Variants in BBS9 observed in about 807,000 individuals in gnomAD.
BBS9 encodes the protein protein PTHB1.
A neutral mutation model predicts 117.7 loss-of-function variants in BBS9; 89 were observed. That is an observed-to-expected ratio of 0.76 (90% CI 0.64 to 0.90). The LOEUF (loss-of-function observed/expected upper bound fraction) is 0.90. BBS9 is among the 40% of genes least tolerant of loss of function. The pLI, the probability that BBS9 is intolerant of heterozygous loss-of-function variation, is 0.00. For synonymous variants in BBS9, 379 were observed against 370.9 expected, an observed-to-expected ratio of 1.02 and a Z score of -0.25; for missense variants, 982 against 1,042.2, an observed-to-expected ratio of 0.94 and a Z score of 0.80.
At chr7:33,179,971 CT>C (rs1465345692) in intron 5 of BBS9, among the ~76,000 whole-genome samples, 4 of 152,124 alleles carry the variant, frequency 2.6e-5, no homozygotes, top group South Asian at 2.1e-4. Context: ...AGTAAATAGC[CT>C]TTTCCACCAG....
intron 5 of BBS9, among the ~76,000 whole-genome samples, chr7:33,246,426 C>G (rs1161538494): frequency 6.6e-6 from 1 of 151,580 alleles, no homozygotes; most frequent in African/African-American, 2.4e-5. Context: ...ATGTAAAAAG[C>G]AAATATTTAG....
chr7:33,234,329 C>T (rs772572518), intron 5 of BBS9, among the ~76,000 whole-genome samples: 7 of 151,854 alleles, frequency 4.6e-5, no homozygotes, highest in Non-Finnish European at 1.0e-4. Flanking sequence ...TTTTTTCCCC[C>T]AGCTATTGAG....
chr7:33,388,063 C>T lies in BBS9; in HGVS notation c.2034C>T (p.Arg678=), dbSNP rs780609075. Residue 678 remains arginine (R), a synonymous_variant, in exon 19 of 23, where the codon CGC becomes CGT. Coordinates refer to ENST00000242067, the MANE Select transcript of BBS9 (RefSeq NM_198428.3). ...ERAVQFRAIQ[R]RLLARFKDKT... The stretch of plus-strand genomic sequence containing the variant: ...CTGTACAATTTCGGGCCATTCAACG[C>T]CGGCTACTAGCAAGATTCAAAGATA... 3.1e-6 allele frequency: 5 copies of T among 1,614,126 alleles called. No individual in the cohort carries two copies. The South Asian group carries it at 5.5e-5, about 18-fold the overall frequency.
chr7:33,170,644 GA>G (rs1392700009), intron 4 of BBS9, among the ~76,000 whole-genome samples: 1 of 151,394 alleles, frequency 6.6e-6, no homozygotes, highest in African/African-American at 2.4e-5. Flanking sequence ...ATTCAATTAG[GA>G]AAAAAGGAAG....
intron 20 of BBS9, among the ~76,000 whole-genome samples, chr7:33,510,973 G>A (rs1043387170): frequency 2.0e-5 from 3 of 152,186 alleles, no homozygotes; most frequent in African/African-American, 7.2e-5. Context: ...AGCCTGTTCA[G>A]ATGTGCAATA....
intron 19 of BBS9, among the ~76,000 whole-genome samples, chr7:33,414,448 A>G (rs1831647047): frequency 6.6e-6 from 1 of 152,210 alleles, no homozygotes; most frequent in African/African-American, 2.4e-5. Flanking sequence ...TCAGATAAAA[A>G]TAAACACAAA....
chr7:33,590,362 A>G (rs1861644237), intron 21 of BBS9, among the ~76,000 whole-genome samples: 1 of 150,664 alleles, frequency 6.6e-6, no homozygotes, highest in East Asian at 2.0e-4. Context: ...TTTGATGTAT[A>G]TTGTTGTCCT....
At chr7:33,260,560 A>G (rs1797817393) in intron 6 of BBS9, among the ~76,000 whole-genome samples, 1 of 152,216 alleles carries the variant, frequency 6.6e-6, no homozygotes, top group African/African-American at 2.4e-5. Context: ...ACATCTCTTC[A>G]CTGACTGAAT....
intron 5 of BBS9, among the ~76,000 whole-genome samples, chr7:33,250,357 A>G (rs960349027): frequency 2.0e-5 from 3 of 152,186 alleles, no homozygotes; most frequent in Non-Finnish European, 4.4e-5. Flanking sequence ...CTGTTGTTCC[A>G]TATTTCTTAC....
rs371819892 is a variant in BBS9, at chr7:33,569,753, C to T, written c.2522-35112C>T. On this transcript the variant is annotated intron_variant, in intron 21 of 22. Transcript: ENST00000242067. ...CTCCAGCCTGGGTGACAGAGCGAAA[C>T]TCCGTTTCAAAAAAATAAAATAAAA... 1.5e-3 allele frequency among the ~76,000 whole-genome samples: 232 copies of T among 152,158 alleles called. 7 individuals carry two copies. In the South Asian group the frequency reaches 0.045, roughly 30 times the overall value.
At chr7:33,412,282 A>G (rs564495086) in intron 19 of BBS9, among the ~76,000 whole-genome samples, 1 of 152,274 alleles carries the variant, frequency 6.6e-6, no homozygotes, top group African/African-American at 2.4e-5. Context: ...TCATCTCCAG[A>G]GTAGGACTAA....
At chr7:33,487,408 T>C (rs968454324) in intron 19 of BBS9, among the ~76,000 whole-genome samples, 4 of 152,232 alleles carry the variant, frequency 2.6e-5, no homozygotes, top group Non-Finnish European at 5.9e-5. Context: ...CTTTATATAG[T>C]ATCTAACAGT....
rs558654682 is a variant in BBS9, at chr7:33,183,152, A to T, written c.442+5561A>T. Reference sequence around the variant, plus strand: ...CCCAAAAGTAAAAAATGTGAGAGGGATCTATTTTCAATTCTTAGGGTTCCA... The same window carrying T: ...CCCAAAAGTAAAAAATGTGAGAGGGTTCTATTTTCAATTCTTAGGGTTCCA... On this transcript the variant is annotated intron_variant, in intron 5 of 22. Transcript: ENST00000242067. Among the ~76,000 whole-genome samples, 26 of 152,280 alleles carry T rather than the reference A, an allele frequency of 1.7e-4. No homozygotes were observed. The South Asian group carries it at 5.2e-3, about 30-fold the overall frequency.
chr7:33,248,898 A>G, intron 5 of BBS9, among the ~76,000 whole-genome samples: 1 of 152,156 alleles, frequency 6.6e-6, no homozygotes, highest in Non-Finnish European at 1.5e-5. Flanking sequence ...GAGAAAGACC[A>G]AATATTTTTG....
intron 21 of BBS9, among the ~76,000 whole-genome samples, chr7:33,545,597 C>T (rs904724619): frequency 6.6e-6 from 1 of 151,996 alleles, no homozygotes; most frequent in Non-Finnish European, 1.5e-5. Context: ...TGTGGGTCCT[C>T]GGGATTGCTG....
At chr7:33,401,361 A>T (rs1292092585) in intron 19 of BBS9, among the ~76,000 whole-genome samples, 1 of 152,236 alleles carries the variant, frequency 6.6e-6, no homozygotes, top group African/African-American at 2.4e-5. Flanking sequence ...ATCAAACTGT[A>T]GAATATTTGA....
intron 9 of BBS9, among the ~76,000 whole-genome samples, chr7:33,324,173 G>A (rs1003370438): frequency 6.6e-6 from 1 of 152,000 alleles, no homozygotes; most frequent in African/African-American, 2.4e-5. Flanking sequence ...ATCTTTCTCT[G>A]GTGGTACATT....
chr7:33,428,933 A>C (rs893124713), intron 19 of BBS9, among the ~76,000 whole-genome samples: 1 of 152,134 alleles, frequency 6.6e-6, no homozygotes, highest in Non-Finnish European at 1.5e-5. Flanking sequence ...CCATATTGAA[A>C]TATTTTTGAA....
At chr7:33,622,090 A>G (rs190824525) in intron 21 of BBS9, among the ~76,000 whole-genome samples, 1 of 152,234 alleles carries the variant, frequency 6.6e-6, no homozygotes, top group African/African-American at 2.4e-5. Context: ...CGCACCTGTA[A>G]TTGCAGCTAC....
Sources: allele counts gnomAD v4.1 joint callset (sites outside exome capture counted in the v4.1 genomes callset), GRCh38; gene constraint gnomAD v4.1.1; transcripts MANE v1.5; gene names NCBI Gene and HGNC (gene_info 2026-07-23, HGNC 2026-07-21).